Variants in RDX observed in about 807,000 individuals in gnomAD.
The protein encoded by RDX is deafness, autosomal recessive 24.
Under a neutral mutation model 83.7 loss-of-function variants are expected in RDX, and 32 were observed. The ratio of observed to expected loss-of-function variants is 0.38; its 90% CI spans 0.29 to 0.51. RDX has a LOEUF of 0.51. RDX is among the 20% of genes least tolerant of loss of function. The pLI, the probability that RDX is intolerant of heterozygous loss-of-function variation, is 0.87. For missense variants in RDX, 600 were observed against 689.9 expected (o/e 0.87, Z 1.46); for synonymous variants, 229 against 222.7 (o/e 1.03, Z -0.25).
At chr11:110,239,280 T>C (rs943798847) in intron 10 of RDX, among the ~76,000 whole-genome samples, 2 of 149,098 alleles carry the variant, frequency 1.3e-5, no homozygotes, top group African/African-American at 2.5e-5. Flanking sequence ...AGGACATTGG[T>C]CTAGGCAAAG....
chr11:110,246,989 G>A (rs1461884355), intron 10 of RDX, among the ~76,000 whole-genome samples: 2 of 152,074 alleles, frequency 1.3e-5, no homozygotes, highest in African/African-American at 4.8e-5. Context: ...AGAGCCTGCT[G>A]CTTAGAGAGG....
At chr11:110,175,645 G>T (rs1862758786) in intron 15 of RDX, among the ~76,000 whole-genome samples, 1 of 152,238 alleles carries the variant, frequency 6.6e-6, no homozygotes, top group East Asian at 1.9e-4. Flanking sequence ...CAGAGGCGAG[G>T]CTTTCTGTCT....
intron 1 of RDX, among the ~76,000 whole-genome samples, chr11:110,285,961 CATTAT>C (rs1385709537): frequency 4.0e-5 from 6 of 151,712 alleles, no homozygotes; most frequent in Non-Finnish European, 5.9e-5. Flanking sequence ...TTGCCTAAAC[CATTAT>C]ATATCAAAGA....
At chr11:110,276,561 G>T (rs983393354) in intron 2 of RDX, among the ~76,000 whole-genome samples, 8 of 151,988 alleles carry the variant, frequency 5.3e-5, no homozygotes, top group African/African-American at 1.9e-4. Context: ...GAAATTATTT[G>T]GTATCTTTGG....
intron 2 of RDX, chr11:110,273,018 G>C: frequency 4.4e-6 from 2 of 456,546 alleles, no homozygotes; most frequent in South Asian, 3.1e-5. Flanking sequence ...CTTGAGGTCA[G>C]GAGTTTGAGA....
chr11:110,215,365 A>AAAAAAAAT (rs1419816665), intron 14 of RDX, among the ~76,000 whole-genome samples: 19 of 141,814 alleles, frequency 1.3e-4, no homozygotes, highest in East Asian at 8.1e-4. Flanking sequence ...TCCATCTCAA[A>AAAAAAAAT]AAATAAATAA....
chr11:110,289,971 A>AAAAAAAAAC (rs1861160402), intron 1 of RDX, among the ~76,000 whole-genome samples: 1 of 148,084 alleles, frequency 6.8e-6, no homozygotes. Context: ...AAAAAAAAAA[A>AAAAAAAAAC]AAAAAAAAAA....
At chr11:110,182,765 G>T (rs1362156592) in intron 15 of RDX, among the ~76,000 whole-genome samples, 2 of 152,162 alleles carry the variant, frequency 1.3e-5, no homozygotes, top group African/African-American at 4.8e-5. Context: ...TCAAGGCCAG[G>T]TGAGCAGGCT....
downstream of RDX, among the ~76,000 whole-genome samples, chr11:110,227,914 T>A (rs1023599487): frequency 6.6e-6 from 1 of 152,102 alleles, no homozygotes; most frequent in African/African-American, 2.4e-5. Context: ...GTAGTCCATA[T>A]AACCCCAAAT....
At chr11:110,179,554 C>G (rs975645738) in intron 15 of RDX, among the ~76,000 whole-genome samples, 6 of 152,196 alleles carry the variant, frequency 3.9e-5, no homozygotes, top group Admixed American at 2.0e-4. Flanking sequence ...GGGCATATCA[C>G]CTGAGGTTGG....
intron 3 of RDX, among the ~76,000 whole-genome samples, chr11:110,268,223 C>A (rs1223533914): frequency 6.6e-6 from 1 of 151,186 alleles, no homozygotes; most frequent in Non-Finnish European, 1.5e-5. Flanking sequence ...CGGAGAACTG[C>A]TTGAACCCGG....
intron 15 of RDX, among the ~76,000 whole-genome samples, chr11:110,196,730 A>G (rs1397657113): frequency 3.3e-5 from 5 of 152,144 alleles, no homozygotes; most frequent in Non-Finnish European, 7.4e-5. Context: ...CTCAGCTAAA[A>G]TCAGCTCAGA....
At chr11:110,281,260 T>C (rs1860749780) in intron 1 of RDX, among the ~76,000 whole-genome samples, 1 of 152,030 alleles carries the variant, frequency 6.6e-6, no homozygotes, top group South Asian at 2.1e-4. Flanking sequence ...TTTCCCTAAA[T>C]TCTAGTCAAT....
intron 14 of RDX, among the ~76,000 whole-genome samples, chr11:110,208,145 A>G (rs1237906961): frequency 6.6e-6 from 1 of 152,148 alleles, no homozygotes; most frequent in Non-Finnish European, 1.5e-5. Context: ...CTACAAAGCC[A>G]TTCAAATAAC....
At chr11:110,260,947 T>C (rs559791281) in intron 5 of RDX, among the ~76,000 whole-genome samples, 1 of 152,202 alleles carries the variant, frequency 6.6e-6, no homozygotes, top group East Asian at 1.9e-4. Flanking sequence ...ATATTTTCAA[T>C]CTGTGGTTGG....
intron 5 of RDX, among the ~76,000 whole-genome samples, chr11:110,259,844 C>G (rs1410365658): frequency 6.6e-6 from 1 of 152,030 alleles, no homozygotes; most frequent in Non-Finnish European, 1.5e-5. Flanking sequence ...TTCCCAACCC[C>G]TATTTTTTTT....
intron 14 of RDX, among the ~76,000 whole-genome samples, chr11:110,217,305 G>C (rs1864090330): frequency 6.6e-6 from 1 of 152,176 alleles, no homozygotes; most frequent in African/African-American, 2.4e-5. Context: ...ATTCAACCTA[G>C]TAATACAATT....
intron 2 of RDX, among the ~76,000 whole-genome samples, chr11:110,276,816 A>C (rs1003070368): frequency 4.6e-5 from 7 of 152,228 alleles, no homozygotes; most frequent in Admixed American, 4.6e-4. Context: ...AAAGCACGGA[A>C]ACCTGAAGAT....
At chr11:110,243,417 G>A (rs1865179001) in intron 10 of RDX, among the ~76,000 whole-genome samples, 2 of 152,074 alleles carry the variant, frequency 1.3e-5, no homozygotes, top group South Asian at 4.1e-4. Context: ...ACTAGTAACA[G>A]GAATAAAAAC....
Sources: gnomAD v4.1 joint callset for allele counts (sites outside exome capture counted in the v4.1 genomes callset) on GRCh38, gnomAD v4.1.1 for gene constraint, MANE v1.5 for transcripts, NCBI Gene and HGNC (gene_info 2026-07-23, HGNC 2026-07-21) for gene names.